HHIP: variants seen among roughly 807,000 people sequenced by gnomAD.
HHIP encodes the protein hedgehog interacting protein.
In HHIP, 12 loss-of-function variants were observed where a neutral mutation model predicts 74.0. The ratio of observed to expected loss-of-function variants is 0.16; its 90% confidence interval spans 0.10 to 0.26. The LOEUF (loss-of-function observed/expected upper bound fraction) is 0.26. Ranked by LOEUF, HHIP falls within the 10% of genes least tolerant of loss-of-function variation. The pLI is 1.00. For synonymous variants in HHIP, 309 were observed against 311.6 expected (o/e 0.99, Z 0.09); for missense variants, 788 against 845.0 (o/e 0.93, Z 0.84).
rs561010907 is a variant in HHIP at position 144,657,001 on chromosome 4, C to G, written c.473-1789C>G. Among the ~76,000 whole-genome samples, 4 of 152,046 alleles carry G rather than the reference C, an allele frequency of 2.6e-5. No individual in the cohort carries two copies. In the East Asian group the frequency reaches 7.8e-4, roughly 30 times the overall value. On this transcript the variant is annotated intron_variant, in intron 2 of 12. Transcript: ENST00000296575. Reference sequence around the variant, plus strand: ...GCCTCTTTTTCTCTGTGCCCCCCACCGCATGCATGTACACACACATACACA... The same window carrying G: ...GCCTCTTTTTCTCTGTGCCCCCCACGGCATGCATGTACACACACATACACA...
intron 10 of HHIP, among the ~76,000 whole-genome samples, chr4:144,716,504 C>A (rs1303688428): frequency 6.6e-6 from 1 of 152,140 alleles, no homozygotes; most frequent in Non-Finnish European, 1.5e-5. Context: ...CCCTAACTTA[C>A]ATCCTCTGTA....
At chr4:144,723,440 A>G (rs1730695154) in intron 11 of HHIP, among the ~76,000 whole-genome samples, 1 of 152,094 alleles carries the variant, frequency 6.6e-6, no homozygotes, top group South Asian at 2.1e-4. Context: ...CTTTTTTCAA[A>G]AAAATCACTT....
intron 9 of HHIP, chr4:144,714,997 A>G: frequency 4.2e-6 from 1 of 239,048 alleles, no homozygotes; most frequent in Non-Finnish European, 8.5e-6. Context: ...TCTCTGATTA[A>G]TAGCACAGCA....
At chr4:144,685,949 C>A (rs1578698755) in intron 4 of HHIP, among the ~76,000 whole-genome samples, 6 of 152,302 alleles carry the variant, frequency 3.9e-5, no homozygotes, top group African/African-American at 1.4e-4. Context: ...TGTATAAAGA[C>A]CACCTTCACT....
chr4:144,717,380 A>G (rs1730483827), intron 10 of HHIP, among the ~76,000 whole-genome samples: 1 of 152,158 alleles, frequency 6.6e-6, no homozygotes, highest in Non-Finnish European at 1.5e-5. Flanking sequence ...TTGTACTTTC[A>G]TTTTTATTTT....
intron 4 of HHIP, among the ~76,000 whole-genome samples, chr4:144,680,536 T>C (rs1250226232): frequency 1.3e-5 from 2 of 152,204 alleles, no homozygotes; most frequent in South Asian, 4.1e-4. Context: ...GAATAATCTA[T>C]TTTCTAAGAT....
At chr4:144,720,766 A>G (rs1578723692) in intron 11 of HHIP, among the ~76,000 whole-genome samples, 1 of 152,132 alleles carries the variant, frequency 6.6e-6, no homozygotes, top group South Asian at 2.1e-4. Context: ...CATGAGCATA[A>G]ATTTCAAAAT....
At chr4:144,724,977 G>A (rs1730756355) in intron 11 of HHIP, among the ~76,000 whole-genome samples, 2 of 151,866 alleles carry the variant, frequency 1.3e-5, no homozygotes, top group South Asian at 2.1e-4. Flanking sequence ...CTTATATATT[G>A]AGTGAAAAAT....
rs552227680 is a variant in HHIP, at chr4:144,665,664, G to A, written c.831+5826G>A. ...CTCCTGGTATTCTTTCATTATTTTT[G>A]AATTTGCTATTCTATTGATAAAACC... On this transcript the variant is annotated intron_variant, in intron 4 of 12. Transcript: ENST00000296575. Among the ~76,000 whole-genome samples the A allele has an allele frequency of 1.6e-3, 239 of 152,200 alleles. 5 individuals are homozygous for A. The highest frequency in any genetic ancestry group is 5.6e-3 in the African/African-American group (231 of 41,518).
At position 144,739,120 on chromosome 4, in the gene HHIP, A is replaced by G. The variant is rs1011535669; in HGVS notation, c.*1163A>G. 1 of 152,228 alleles carries G rather than the reference A, an allele frequency of 6.6e-6. No homozygotes were observed. The highest frequency in any genetic ancestry group is 2.4e-5 in the African/African-American group (1 of 41,466). 9.4% of individuals were successfully genotyped at this position (152,228 alleles called of 1,614,324 possible). A position where few individuals can be genotyped will look rare whatever the true frequency, so the allele number is the denominator to read the frequency against. On this transcript the variant is annotated 3_prime_UTR_variant, in exon 13 of 13. Transcript: ENST00000296575. ...TCTTGCCAAATATGACTTTAAATGT[A>G]CGTGTTCCTTCAGAACTCAATGAAA...
At chr4:144,736,133 C>A (rs980149503) in intron 12 of HHIP, among the ~76,000 whole-genome samples, 1 of 122,360 alleles carries the variant, frequency 8.2e-6, no homozygotes, top group Admixed American at 9.5e-5. Context: ...ACTTTTTCTG[C>A]ATCTTTTTTT....
intron 4 of HHIP, chr4:144,661,492 A>G (rs2126591638): frequency 6.6e-6 from 1 of 152,306 alleles, no homozygotes; most frequent in Admixed American, 6.5e-5. Flanking sequence ...AGCGCTAATT[A>G]TGTCCACGAG....
chr4:144,730,388 T>C (rs986566668), intron 11 of HHIP, among the ~76,000 whole-genome samples: 1 of 152,164 alleles, frequency 6.6e-6, no homozygotes, highest in Non-Finnish European at 1.5e-5. Context: ...TCAAAGGCTA[T>C]GGGGATAGCT....
chr4:144,734,229 A>C (rs1007551165), intron 11 of HHIP, among the ~76,000 whole-genome samples: 2 of 151,696 alleles, frequency 1.3e-5, no homozygotes, highest in East Asian at 1.9e-4. Flanking sequence ...TAAAACAAAA[A>C]TAAAATTAAA....
intron 7 of HHIP, among the ~76,000 whole-genome samples, chr4:144,710,657 C>T (rs1730271069): frequency 6.6e-6 from 1 of 151,876 alleles, no homozygotes; most frequent in Non-Finnish European, 1.5e-5. Context: ...AATTTTACCC[C>T]CAGGGGACAT....
rs771490886 is a variant in HHIP at position 144,706,641 on chromosome 4, T to C, written c.942T>C (p.Pro314=). 7 of 1,613,814 alleles carry C rather than the reference T, an allele frequency of 4.3e-6. No individual in the cohort carries two copies. The highest frequency in any genetic ancestry group is 1.7e-5 in the Admixed American group (1 of 59,970). Reference sequence around the variant, plus strand: ...ACCAAGAACGGTGGGCTATCGGGCCTCATGACCACATTCTTAGGGTTGTGG... The same window carrying C: ...ACCAAGAACGGTGGGCTATCGGGCCCCATGACCACATTCTTAGGGTTGTGG... ...TTNQERWAIG[P]HDHILRVVEY... is the part of the protein sequence containing the mutation. The change falls in exon 5 of 13, where the codon CCT becomes CCC. Residue 314 remains proline, a synonymous_variant. Coordinates refer to ENST00000296575, the MANE Select transcript of HHIP (RefSeq NM_022475.3).
rs1318487824 is a variant in HHIP, at chr4:144,740,473, G to A, written c.*2516G>A. 1 of 152,144 alleles carries A rather than the reference G, an allele frequency of 6.6e-6. No individual in the cohort carries two copies. The highest frequency in any genetic ancestry group is 1.5e-5 in the Non-Finnish European group (1 of 68,014). 9.4% of individuals were successfully genotyped at this position (152,144 alleles called of 1,614,324 possible). On this transcript the variant is annotated 3_prime_UTR_variant, in exon 13 of 13. Transcript: ENST00000296575. Reference sequence around the variant, plus strand: ...AGATAGCAAGATCCACGGATATTAAGCCAAGCAAAGAAAGTAAAATCATTG... The same window carrying A: ...AGATAGCAAGATCCACGGATATTAAACCAAGCAAAGAAAGTAAAATCATTG...
At chr4:144,724,706 A>G (rs926693758) in intron 11 of HHIP, among the ~76,000 whole-genome samples, 12 of 146,948 alleles carry the variant, frequency 8.2e-5, no homozygotes, top group African/African-American at 3.0e-4. Flanking sequence ...AAGTATATAT[A>G]TATGTATGTA....
intron 1 of HHIP, among the ~76,000 whole-genome samples, chr4:144,652,102 T>C (rs1411664644): frequency 2.6e-5 from 4 of 152,118 alleles, no homozygotes; most frequent in Non-Finnish European, 4.4e-5. Flanking sequence ...TGAAAACTAA[T>C]TGAAATTTTA....
Sources: gnomAD v4.1 joint callset for allele counts (sites outside exome capture counted in the v4.1 genomes callset) on GRCh38, gnomAD v4.1.1 for gene constraint, MANE v1.5 for transcripts, NCBI Gene and HGNC (gene_info 2026-07-23, HGNC 2026-07-21) for gene names.